ZNF33A: variants seen among roughly 807,000 people sequenced by gnomAD.
The protein encoded by ZNF33A is zinc finger protein 33A, also known as brain my041 protein.
In ZNF33A, 9 loss-of-function variants were observed where a neutral mutation model predicts 15.9. The ratio of observed to expected loss-of-function variants is 0.57; its 90% confidence interval spans 0.34 to 0.99. The LOEUF (loss-of-function observed/expected upper bound fraction) is 0.99, where lower values mean the gene tolerates loss of function less well. Ranked by LOEUF, ZNF33A falls within the 50% of genes least tolerant of loss-of-function variation. ZNF33A has a pLI of 0.02. For synonymous variants in ZNF33A, 294 were observed against 324.2 expected, an observed-to-expected ratio of 0.91 and a Z score of 1.00; for missense variants, 843 against 941.6, an observed-to-expected ratio of 0.90 and a Z score of 1.37.
At chr10:38,031,516 G>C (rs1321470821) in intron 4 of ZNF33A, among the ~76,000 whole-genome samples, 2 of 149,364 alleles carry the variant, frequency 1.3e-5, no homozygotes, top group Non-Finnish European at 3.0e-5. Flanking sequence ...GCTGCAGTAA[G>C]CTGTGATGGC....
downstream of ZNF33A, among the ~76,000 whole-genome samples, chr10:38,061,894 T>G (rs934776123): frequency 1.3e-5 from 2 of 152,034 alleles, no homozygotes; most frequent in Non-Finnish European, 2.9e-5. Context: ...GAGGCAGAGG[T>G]TGCAGTGAGC....
At chr10:38,016,116 AT>A in intron 2 of ZNF33A, 1 of 830,438 alleles carries the variant, frequency 1.2e-6, no homozygotes, top group Non-Finnish European at 1.6e-6. Flanking sequence ...GAATTAAAGG[AT>A]TAGAACCCAG....
intron 4 of ZNF33A, among the ~76,000 whole-genome samples, chr10:38,031,694 G>A (rs2065218494): frequency 6.6e-6 from 1 of 152,110 alleles, no homozygotes; most frequent in Non-Finnish European, 1.5e-5. Context: ...GCCGGGTGCG[G>A]TAGCTCACGC....
intron 4 of ZNF33A, among the ~76,000 whole-genome samples, chr10:38,039,864 T>G (rs935108678): frequency 4.6e-5 from 7 of 151,794 alleles, no homozygotes; most frequent in Non-Finnish European, 1.0e-4. Flanking sequence ...GTTCTCTAGT[T>G]CATTAATTTT....
rs1261529414 is a variant in ZNF33A, at chr10:38,021,425, G to GATTACTAGCAGATACAGAAGAAC, written c.250+4040_250+4041insTTACTAGCAGATACAGAAGAACA. Among the ~76,000 whole-genome samples, 413 of 142,134 alleles carry GATTACTAGCAGATACAGAAGAAC rather than the reference G, an allele frequency of 2.9e-3. 4 individuals are homozygous for GATTACTAGCAGATACAGAAGAAC. Among genetic ancestry groups the GATTACTAGCAGATACAGAAGAAC allele is most frequent in the East Asian group, 5.0e-3 (24 of 4,802 alleles). 93.2% of individuals were successfully genotyped at this position (142,134 alleles called of 152,430 possible). A position where few individuals can be genotyped will look rare whatever the true frequency, so the allele number is the denominator to read the frequency against. On this transcript the variant is annotated intron_variant, in intron 4 of 4. Transcript: ENST00000432900. ...AGCAATTGGTAGAATTACTAGCCAT[G>GATTACTAGCAGATACAGAAGAAC]AGGTCAGGAATTCAAGAGTAGCCTG...
chr10:38,026,307 T>A (rs1270245962), intron 4 of ZNF33A, among the ~76,000 whole-genome samples: 3 of 136,170 alleles, frequency 2.2e-5, no homozygotes, highest in Non-Finnish European at 4.8e-5. Context: ...TACCACTGAA[T>A]TATTTTTAAT....
intron 4 of ZNF33A, among the ~76,000 whole-genome samples, chr10:38,051,416 C>G (rs952847954): frequency 6.6e-6 from 1 of 152,050 alleles, no homozygotes; most frequent in East Asian, 1.9e-4. Context: ...ATCGCATCAG[C>G]TGAAAAATCA....
rs1362454178 is a variant in ZNF33A at position 38,035,373 on chromosome 10, C to A, written c.250+17987C>A. ...TCTTAGGTGATCCACCTGCCCCGGCCTCCCAAAGTGCTGGGATTAAAGTTG... is the reference window on the plus strand; with the variant it reads ...TCTTAGGTGATCCACCTGCCCCGGCATCCCAAAGTGCTGGGATTAAAGTTG... On this transcript the variant is annotated intron_variant, in intron 4 of 4. Coordinates refer to ENST00000432900, the MANE Select transcript of ZNF33A (RefSeq NM_006954.2). Among the ~76,000 whole-genome samples, 3 of 152,148 alleles carry A rather than the reference C, an allele frequency of 2.0e-5. No individual in the cohort carries two copies. In the East Asian group the frequency reaches 5.8e-4, roughly 29 times the overall value.
intron 4 of ZNF33A, among the ~76,000 whole-genome samples, chr10:38,022,146 C>G (rs1400174078): frequency 1.3e-5 from 2 of 152,020 alleles, no homozygotes; most frequent in Non-Finnish European, 2.9e-5. Flanking sequence ...AAGCAGAAAT[C>G]AGTAAAATTG....
In ZNF33A at chr10:38,017,328, G is replaced by T. The variant is rs1273727089; in HGVS notation, c.192G>T (p.Leu64=). The T allele has an allele frequency of 1.9e-6, 3 of 1,613,994 alleles. No homozygotes were observed. Among genetic ancestry groups the T allele is most frequent in the Non-Finnish European group, 2.5e-6 (3 of 1,179,942 alleles). ...CVHKPEVIFR[L]QQGEEPWKQE... is the part of the protein sequence containing the mutation. ...ACAAACCAGAGGTGATCTTCAGGCTGCAACAAGGAGAAGAGCCATGGAAAC... is the reference window on the plus strand; with the variant it reads ...ACAAACCAGAGGTGATCTTCAGGCTTCAACAAGGAGAAGAGCCATGGAAAC... Residue 64 remains leucine, a synonymous_variant, in exon 4 of 5, where the codon CTG becomes CTT. Coordinates refer to ENST00000432900, the MANE Select transcript of ZNF33A (RefSeq NM_006954.2).
intron 4 of ZNF33A, among the ~76,000 whole-genome samples, chr10:38,053,128 TCA>T (rs1358820992): frequency 2.0e-5 from 3 of 152,204 alleles, no homozygotes; most frequent in Non-Finnish European, 4.4e-5. Flanking sequence ...TATTCAAGTT[TCA>T]GTCAAGTGTA....
intron 2 of ZNF33A, chr10:38,016,160 C>G: frequency 2.0e-6 from 1 of 487,964 alleles, no homozygotes; most frequent in Non-Finnish European, 3.2e-6. Context: ...ATGTCAGGCT[C>G]TTTTTCTACA....
chr10:38,059,465 A>G lies in ZNF33A; in HGVS notation c.*2905A>G, dbSNP rs1193107959. On this transcript the variant is annotated 3_prime_UTR_variant, in exon 5 of 5. Transcript: ENST00000432900. ...TCTTTGTAGAGAATTCTAAATAACA[A>G]AAACCCTGCTGACATTAATAAGCAA... 6.6e-6 allele frequency: 1 copy of G among 152,256 alleles called. No homozygotes were observed. The highest frequency in any genetic ancestry group is 1.5e-5 in the Non-Finnish European group (1 of 68,046). The allele number at this position is 152,256 out of a possible 1,614,324, so 9.4% of individuals were successfully genotyped here.
intron 1 of ZNF33A, 106 bp downstream of exon 1, chr10:38,010,889 T>A: frequency 7.1e-7 from 1 of 1,400,416 alleles, no homozygotes; most frequent in Non-Finnish European, 9.8e-7. Context: ...CCCGGGGACC[T>A]CATAGGGGAA....
intron 4 of ZNF33A, among the ~76,000 whole-genome samples, chr10:38,023,183 A>G (rs985087184): frequency 1.3e-5 from 2 of 152,130 alleles, no homozygotes; most frequent in African/African-American, 4.8e-5. Context: ...TGACCTCATG[A>G]TCTGTCCACG....
downstream of ZNF33A, among the ~76,000 whole-genome samples, chr10:38,066,125 A>G (rs1396317178): frequency 1.3e-5 from 2 of 152,114 alleles, no homozygotes; most frequent in Non-Finnish European, 2.9e-5. Context: ...ACTCAGGATT[A>G]TAGCATTTGA....
chr10:38,023,958 A>G (rs549264878), intron 4 of ZNF33A, among the ~76,000 whole-genome samples: 1 of 152,230 alleles, frequency 6.6e-6, no homozygotes, highest in African/African-American at 2.4e-5. Flanking sequence ...CGGGAGTTCA[A>G]GAGCAGCCTG....
At chr10:38,022,018 A>G (rs1045750795) in intron 4 of ZNF33A, among the ~76,000 whole-genome samples, 1 of 152,194 alleles carries the variant, frequency 6.6e-6, no homozygotes, top group African/African-American at 2.4e-5. Context: ...TTATGGCACT[A>G]AATGCTGACA....
At position 38,056,707 on chromosome 10, in the gene ZNF33A, T is replaced by C; in HGVS notation, c.*147T>C. 1.6e-6 allele frequency: 2 copies of C among 1,252,982 alleles called. No individual in the cohort carries two copies. Among genetic ancestry groups the C allele is most frequent in the Non-Finnish European group, 2.0e-6 (2 of 998,504 alleles). The allele number at this position is 1,252,982 out of a possible 1,614,324, so 77.6% of individuals were successfully genotyped here. A position where few individuals can be genotyped will look rare whatever the true frequency, so the allele number is the denominator to read the frequency against. On this transcript the variant is annotated 3_prime_UTR_variant, in exon 5 of 5. Transcript: ENST00000432900. ...TACGGGCATAACACCTTACAGATTT[T>C]TTTTGAATTTGTGAAAGTTTTTGGC...
Sources: allele counts gnomAD v4.1 joint callset (sites outside exome capture counted in the v4.1 genomes callset), GRCh38; gene constraint gnomAD v4.1.1; transcripts MANE v1.5; gene names NCBI Gene and HGNC (gene_info 2026-07-23, HGNC 2026-07-21).